The following CNTNAP2 variants were observed in gnomAD, a reference collection of about 807,000 sequenced individuals.
The protein encoded by CNTNAP2 is contactin associated protein 2, also known as contactin-associated protein-like 2.
A neutral mutation model predicts 155.2 loss-of-function variants in CNTNAP2; 98 were observed. The observed-to-expected ratio is 0.63, with a 90% CI of 0.54 to 0.75. CNTNAP2 has a LOEUF of 0.75. Ranked by LOEUF, CNTNAP2 falls within the 30% of genes least tolerant of loss-of-function variation. The pLI, the probability that CNTNAP2 is intolerant of heterozygous loss-of-function variation, is 0.00. For missense variants in CNTNAP2, 1,727 were observed against 1,688.1 expected (o/e 1.02, Z -0.40); for synonymous variants, 651 against 631.2 (o/e 1.03, Z -0.47).
At chr7:146,200,521 GACACACAC>G (rs1222453977) in intron 1 of CNTNAP2, among the ~76,000 whole-genome samples, 7 of 72,274 alleles carry the variant, frequency 9.7e-5, no homozygotes, top group Non-Finnish European at 1.5e-4. Context: ...CACACACACA[GACACACAC>G]ACACACACAC....
chr7:147,384,624 A>G (rs1042085343), intron 9 of CNTNAP2, among the ~76,000 whole-genome samples: 18 of 152,218 alleles, frequency 1.2e-4, no homozygotes, highest in Non-Finnish European at 1.9e-4. Flanking sequence ...ATCAGACACT[A>G]TGAAGAGCAA....
chr7:148,036,105 G>C (rs1045325608), intron 15 of CNTNAP2, among the ~76,000 whole-genome samples: 2 of 152,210 alleles, frequency 1.3e-5, no homozygotes, highest in African/African-American at 4.8e-5. Flanking sequence ...CATAGCTAGA[G>C]GGAAATTTGC....
intron 1 of CNTNAP2, among the ~76,000 whole-genome samples, chr7:146,523,960 A>G (rs1797651695): frequency 6.6e-6 from 1 of 152,104 alleles, no homozygotes; most frequent in Non-Finnish European, 1.5e-5. Flanking sequence ...GTTGCTGATA[A>G]AAACTCTAAT....
intron 12 of CNTNAP2, among the ~76,000 whole-genome samples, chr7:147,620,834 G>T (rs141566069): frequency 5.3e-5 from 8 of 152,132 alleles, no homozygotes; most frequent in African/African-American, 1.7e-4. Context: ...TAATTCAAAG[G>T]TATAATAACA....
chr7:146,718,098 C>T (rs1370937194), intron 1 of CNTNAP2, among the ~76,000 whole-genome samples: 1 of 152,084 alleles, frequency 6.6e-6, no homozygotes, highest in Non-Finnish European at 1.5e-5. Context: ...ACAGAAGCCT[C>T]CAACTTCAGG....
At chr7:147,026,864 A>G (rs1798930423) in intron 3 of CNTNAP2, among the ~76,000 whole-genome samples, 1 of 149,598 alleles carries the variant, frequency 6.7e-6, no homozygotes, top group Non-Finnish European at 1.5e-5. Flanking sequence ...CTCTGTTTGT[A>G]TGTAATTGGC....
chr7:147,090,545 G>C (rs1415747757), intron 4 of CNTNAP2, among the ~76,000 whole-genome samples: 1 of 152,070 alleles, frequency 6.6e-6, no homozygotes, highest in East Asian at 1.9e-4. Flanking sequence ...AATTTATTCA[G>C]ATACTTTTTT....
At chr7:147,363,916 T>A (rs1456916320) in intron 9 of CNTNAP2, among the ~76,000 whole-genome samples, 2 of 152,202 alleles carry the variant, frequency 1.3e-5, no homozygotes, top group Non-Finnish European at 2.9e-5. Context: ...AATAAGCTTT[T>A]TGTGTTATAT....
intron 1 of CNTNAP2, among the ~76,000 whole-genome samples, chr7:146,151,420 C>G (rs912323753): frequency 6.6e-6 from 1 of 151,220 alleles, no homozygotes; most frequent in Non-Finnish European, 1.5e-5. Context: ...ACATAGTAAC[C>G]ACCATTCTAC....
intron 4 of CNTNAP2, among the ~76,000 whole-genome samples, chr7:147,070,740 A>G (rs980778008): frequency 6.6e-6 from 1 of 152,164 alleles, no homozygotes; most frequent in Non-Finnish European, 1.5e-5. Context: ...TAGAGTACGG[A>G]TTCCATGTCA....
intron 13 of CNTNAP2, among the ~76,000 whole-genome samples, chr7:147,673,544 A>G (rs569106766): frequency 3.4e-4 from 52 of 152,302 alleles, no homozygotes; most frequent in African/African-American, 1.1e-3. Flanking sequence ...TAAGAAAAAA[A>G]CCTCATTATT....
At chr7:146,471,982 G>A (rs1032541630) in intron 1 of CNTNAP2, among the ~76,000 whole-genome samples, 5 of 152,180 alleles carry the variant, frequency 3.3e-5, no homozygotes, top group Non-Finnish European at 5.9e-5. Flanking sequence ...GAACTTGCAA[G>A]TTTGAATGAA....
chr7:147,520,489 T>C (rs1021412858), intron 11 of CNTNAP2, among the ~76,000 whole-genome samples: 2 of 152,202 alleles, frequency 1.3e-5, no homozygotes, highest in Non-Finnish European at 2.9e-5. Context: ...CTCATGGTAC[T>C]CGCTTCATGC....
chr7:148,079,085 T>C (rs1803549681), intron 15 of CNTNAP2, among the ~76,000 whole-genome samples: 1 of 152,220 alleles, frequency 6.6e-6, no homozygotes, highest in Admixed American at 6.5e-5. Context: ...CCTGGGTCTA[T>C]GATGTTGTCA....
At chr7:147,535,787 C>A (rs1402523512) in intron 11 of CNTNAP2, among the ~76,000 whole-genome samples, 1 of 152,128 alleles carries the variant, frequency 6.6e-6, no homozygotes, top group African/African-American at 2.4e-5. Flanking sequence ...GCAAATACAG[C>A]AGTAAAAACA....
chr7:146,305,219 C>T (rs545096667), intron 1 of CNTNAP2, among the ~76,000 whole-genome samples: 31 of 152,224 alleles, frequency 2.0e-4, no homozygotes, highest in African/African-American at 7.2e-4. Flanking sequence ...GTTCGTACAT[C>T]CTTCTTTAGC....
chr7:147,464,392 G>C (rs188023440), intron 10 of CNTNAP2, among the ~76,000 whole-genome samples: 5 of 151,214 alleles, frequency 3.3e-5, no homozygotes, highest in Admixed American at 2.0e-4. Flanking sequence ...GCTTGAACCC[G>C]GGAGGTGGAG....
chr7:147,131,469 CT>C (rs1415162834), intron 7 of CNTNAP2, among the ~76,000 whole-genome samples: 2 of 151,256 alleles, frequency 1.3e-5, no homozygotes, highest in Non-Finnish European at 3.0e-5. Context: ...ATATTTTTTT[CT>C]TTTTTTTCTT....
At chr7:146,525,350 A>G (rs961669464) in intron 1 of CNTNAP2, among the ~76,000 whole-genome samples, 6 of 152,172 alleles carry the variant, frequency 3.9e-5, no homozygotes, top group African/African-American at 1.4e-4. Context: ...TCTGAGAATT[A>G]TTGGTGGAAA....
Sources: allele counts gnomAD v4.1 joint callset (sites outside exome capture counted in the v4.1 genomes callset), GRCh38; gene constraint gnomAD v4.1.1; transcripts MANE v1.5; gene names NCBI Gene and HGNC (gene_info 2026-07-23, HGNC 2026-07-21).